CLCNKB: variants seen among roughly 807,000 people sequenced by gnomAD.
The protein encoded by CLCNKB is chloride channel protein ClC-Kb.
In CLCNKB, 74 loss-of-function variants were observed where a neutral mutation model predicts 83.8. The observed-to-expected ratio is 0.88, with a 90% CI of 0.73 to 1.07. The LOEUF is 1.07. Among genes scored for constraint, CLCNKB ranks in the 50% least tolerant of loss-of-function variants. The probability of loss-of-function intolerance (pLI) is 0.00; values close to 1 mark genes in which losing one functional copy is unlikely to be tolerated. For missense variants in CLCNKB, 798 were observed against 893.6 expected, an observed-to-expected ratio of 0.89 and a Z score of 1.36; for synonymous variants, 358 against 356.6, an observed-to-expected ratio of 1.00 and a Z score of -0.04.
At position 16,044,704 on chromosome 1, in the gene CLCNKB, C is replaced by G. The variant is rs1391926476; in HGVS notation, c.100+112C>G. On this transcript the variant is annotated intron_variant, in intron 2 of 19. Coordinates refer to ENST00000375679, the MANE Select transcript of CLCNKB (RefSeq NM_000085.5). ...GAACCACCCTCCTCCTGGCATTTGTCCAGGACATGACTGCCCAAAGTCTCC... is the reference window on the plus strand; with the variant it reads ...GAACCACCCTCCTCCTGGCATTTGTGCAGGACATGACTGCCCAAAGTCTCC... 1.4e-5 allele frequency: 13 copies of G among 932,738 alleles called. No individual in the cohort carries two copies. The South Asian group carries it at 1.8e-4, about 13-fold the overall frequency. 57.8% of individuals were successfully genotyped at this position (932,738 alleles called of 1,614,324 possible). A position where few individuals can be genotyped will look rare whatever the true frequency, so the allele number is the denominator to read the frequency against.
In CLCNKB at chr1:16,045,613, C is replaced by T; in HGVS notation, c.156C>T (p.Phe52=). The T allele has an allele frequency of 1.2e-6, 2 of 1,614,078 alleles. No individual in the cohort carries two copies. The highest frequency in any genetic ancestry group is 1.3e-5 in the African/African-American group (1 of 75,046). Residue 52 remains phenylalanine (F), a synonymous_variant, in exon 3 of 20, where the codon TTC becomes TTT. Coordinates refer to ENST00000375679, the MANE Select transcript of CLCNKB (RefSeq NM_000085.5). The part of the protein sequence containing the change: ...KLFRLGEDWY[F]LMTLGVLMAL... ...TCCGCCTGGGCGAGGACTGGTACTT[C>T]CTGATGACCCTCGGGGTGCTCATGG...
At chr1:16,044,366 C>CACACACACACACACAA in intron 1 of CLCNKB, 120 bp from the exon 2 acceptor site, 1 of 756,466 alleles carries the variant, frequency 1.3e-6, no homozygotes. Flanking sequence ...TACACACACA[C>CACACACACACACACAA]ACACACACAC....
intron 2 of CLCNKB, 152 bp downstream of exon 2, chr1:16,044,744 G>A (rs1337418779): frequency 3.0e-5 from 21 of 695,478 alleles, no homozygotes; most frequent in Non-Finnish European, 4.5e-5. Context: ...TGGCAGGGAG[G>A]GAAGGGGTCT....
At chr1:16,053,548 C>T (rs1413989720) in intron 15 of CLCNKB, 91 bp from the exon 16 acceptor site, 69 of 1,589,374 alleles carry the variant, frequency 4.3e-5, no homozygotes, top group East Asian at 2.5e-4. Flanking sequence ...CGTGGGTCCC[C>T]GGTTCAAGCA....
In CLCNKB at chr1:16,044,646, C is replaced by T. The variant is rs115953063; in HGVS notation, c.100+54C>T. ...CTGGAGGACCACTCAGGACATCATTCCTGCCCAGCTCCCACCCCACCTCCC... is the reference window on the plus strand; with the variant it reads ...CTGGAGGACCACTCAGGACATCATTTCTGCCCAGCTCCCACCCCACCTCCC... On this transcript the variant is annotated intron_variant, in intron 2 of 19. Transcript: ENST00000375679. 3,191 of 1,438,234 alleles carry T rather than the reference C, an allele frequency of 2.2e-3. 8 individuals carry two copies. The highest frequency in any genetic ancestry group is 2.5e-3 in the Non-Finnish European group (2,617 of 1,042,350). The allele number at this position is 1,438,234 out of a possible 1,614,324, so 89.1% of individuals were successfully genotyped here. A position where few individuals can be genotyped will look rare whatever the true frequency, so the allele number is the denominator to read the frequency against.
chr1:16,057,153 G>A lies in CLCNKB; in HGVS notation c.*237G>A, dbSNP rs2124117741. 2 of 689,636 alleles carry A rather than the reference G, an allele frequency of 2.9e-6. No homozygotes were observed. Among genetic ancestry groups the A allele is most frequent in the South Asian group, 3.1e-5 (2 of 64,220 alleles). 42.7% of individuals were successfully genotyped at this position (689,636 alleles called of 1,614,324 possible). On this transcript the variant is annotated 3_prime_UTR_variant, in exon 20 of 20. Transcript: ENST00000375679. ...TGGGCAGAGCTGAGTGTGAGAAGAT[G>A]GAAAACCAGTATCTGCCAGTTGCTC...
At position 16,043,900 on chromosome 1, in the gene CLCNKB, T is replaced by A. The variant is rs1455793426; in HGVS notation, c.-8+20T>A. Reference sequence around the variant, plus strand: ...TGACAGGTGAGGGGTCGCTGCAAGATGCTGGGGCCTGCCAGGGCCAGACAG... The same window carrying A: ...TGACAGGTGAGGGGTCGCTGCAAGAAGCTGGGGCCTGCCAGGGCCAGACAG... On this transcript the variant is annotated intron_variant, in intron 1 of 19. Coordinates refer to ENST00000375679, the MANE Select transcript of CLCNKB (RefSeq NM_000085.5). 8.2e-6 allele frequency: 1 copy of A among 121,388 alleles called. No homozygotes were observed. The highest frequency in any genetic ancestry group is 1.6e-5 in the Non-Finnish European group (1 of 61,694). The allele number at this position is 121,388 out of a possible 1,614,324, so 7.5% of individuals were successfully genotyped here. A position where few individuals can be genotyped will look rare whatever the true frequency, so the allele number is the denominator to read the frequency against.
Position 16,048,431 on chromosome 1 carries a change from C to T in CLCNKB, c.576+11C>T. The stretch of plus-strand genomic sequence containing the variant: ...ATCGGGGAGCCTGAGGTTAGGGACT[C>T]GGGGGCTTCCTTGGAGAAATGGGAG... On this transcript the variant is annotated intron_variant, in intron 6 of 19. Transcript: ENST00000375679. 1 of 1,613,812 alleles carries T rather than the reference C, an allele frequency of 6.2e-7. No homozygotes were observed. Among genetic ancestry groups the T allele is most frequent in the Non-Finnish European group, 8.5e-7 (1 of 1,179,920 alleles).
Position 16,052,022 on chromosome 1 carries a change from C to T in CLCNKB, c.1409-176C>T, listed in dbSNP as rs544008498. On this transcript the variant is annotated intron_variant, in intron 14 of 19. Transcript: ENST00000375679. ...CTCGTGGCTCCTGTCCCCAGCCCTG[C>T]GGCCTCCCTTATCCCTCTCCTCTCA... 2.2e-4 allele frequency among the ~76,000 whole-genome samples: 34 copies of T among 152,274 alleles called. No homozygotes were observed. In the East Asian group the frequency reaches 6.4e-3, roughly 29 times the overall value.
intron 16 of CLCNKB, among the ~76,000 whole-genome samples, chr1:16,055,065 T>G (rs1412385657): frequency 6.6e-6 from 1 of 152,166 alleles, no homozygotes; most frequent in East Asian, 1.9e-4. Context: ...GCGCCAAATG[T>G]GAAGCCTCTT....
At chr1:16,045,752 G>C in intron 3 of CLCNKB, 66 bp downstream of exon 3, 2 of 1,555,430 alleles carry the variant, frequency 1.3e-6, no homozygotes, top group Non-Finnish European at 1.8e-6. Context: ...GGGATGCCAG[G>C]TGGATGTCGC....
intron 5 of CLCNKB, 85 bp from the exon 6 acceptor site, chr1:16,048,258 G>T (rs1557467839): frequency 6.4e-7 from 1 of 1,552,478 alleles, no homozygotes; most frequent in Middle Eastern, 1.7e-4. Context: ...GGAGGAGGGG[G>T]TGTTGGGGGG....
Position 16,049,881 on chromosome 1 carries a change from G to T in CLCNKB, c.933G>T (p.Arg311Ser), listed in dbSNP as rs1341288687. ...AGCGAATCTTCTTTGGCTTCATCAG[G>T]AACAATAGGTTCAGCTCCAAACTGC... ...FCQRIFFGFI[R>S]NNRFSSKLLA... Residue 311 changes from arginine (R) to serine (S), a missense_variant, in exon 10 of 20, where the codon AGG becomes AGT. Physicochemically the swap from Arg to Ser is moderately radical, Grantham distance 110. Transcript: ENST00000375679. 6.2e-7 allele frequency: 1 copy of T among 1,613,870 alleles called. No individual in the cohort carries two copies. The highest frequency in any genetic ancestry group is 8.5e-7 in the Non-Finnish European group (1 of 1,179,922).
chr1:16,055,599 T>G (rs1260545405), intron 17 of CLCNKB, 76 bp downstream of exon 17: 2 of 1,590,948 alleles, frequency 1.3e-6, no homozygotes, highest in African/African-American at 2.7e-5. Flanking sequence ...CCCGCTGATA[T>G]CCTGAGGGAG....
chr1:16,052,868 C>G (rs2023338012), intron 15 of CLCNKB, among the ~76,000 whole-genome samples: 1 of 152,160 alleles, frequency 6.6e-6, no homozygotes, highest in Non-Finnish European at 1.5e-5. Flanking sequence ...CTTCTGGCAC[C>G]AGAAAAGCAG....
intron 16 of CLCNKB, 101 bp from the exon 17 acceptor site, chr1:16,055,334 T>C (rs2023405087): frequency 1.1e-6 from 1 of 949,920 alleles, no homozygotes; most frequent in Non-Finnish European, 1.7e-6. Flanking sequence ...AATAGCCCCA[T>C]AGGAACACCA....
chr1:16,048,075 C>T (rs756273394), intron 5 of CLCNKB, 31 bp downstream of exon 5: 45 of 1,602,302 alleles, frequency 2.8e-5, no homozygotes, highest in Admixed American at 6.7e-5. Context: ...ATCCCAACCA[C>T]CCTACCCACC....
At chr1:16,053,535 A>G (rs1183544597) in intron 15 of CLCNKB, 104 bp from the exon 16 acceptor site, 6 of 1,543,556 alleles carry the variant, frequency 3.9e-6, no homozygotes, top group African/African-American at 1.4e-5. Context: ...CACACTCCAG[A>G]GCCGTGGGTC....
chr1:16,049,584 G>A (rs764540566), intron 8 of CLCNKB, 34 bp from the exon 9 acceptor site: 14 of 1,520,810 alleles, frequency 9.2e-6, no homozygotes, highest in Middle Eastern at 2.3e-4. Flanking sequence ...GGGTGGGAGC[G>A]CCATCTTGGC....
Sources: gnomAD v4.1 joint callset for allele counts (sites outside exome capture counted in the v4.1 genomes callset) on GRCh38, gnomAD v4.1.1 for gene constraint, MANE v1.5 for transcripts, NCBI Gene and HGNC (gene_info 2026-07-23, HGNC 2026-07-21) for gene names.